The following RYR3 variants were observed in gnomAD, a reference collection of about 807,000 sequenced individuals.
The protein encoded by RYR3 is brain ryanodine receptor-calcium release channel.
Under a neutral mutation model 584.3 loss-of-function variants are expected in RYR3, and 207 were observed. The observed-to-expected ratio is 0.35, with a 90% CI of 0.32 to 0.40. The LOEUF is 0.40. RYR3 is among the 10% of genes least tolerant of loss of function. RYR3 has a pLI of 1.00. For synonymous variants in RYR3, 2,416 were observed against 2,248.5 expected (o/e 1.07, Z -2.11); for missense variants, 5,616 against 6,089.2 (o/e 0.92, Z 2.59).
chr15:33,769,250 AG>A (rs1433786560), intron 62 of RYR3, 78 bp downstream of exon 62: 6 of 1,072,180 alleles, frequency 5.6e-6, no homozygotes, highest in African/African-American at 1.5e-5. Context: ...TATACTGAAG[AG>A]AAGACAGATC....
At chr15:33,338,406 AAG>A (rs1220953656) in intron 1 of RYR3, among the ~76,000 whole-genome samples, 4 of 152,174 alleles carry the variant, frequency 2.6e-5, no homozygotes, top group African/African-American at 9.7e-5. Context: ...GATGACATAA[AAG>A]GGGCAGAGGA....
chr15:33,711,261 T>TG, intron 43 of RYR3, among the ~76,000 whole-genome samples: 1 of 67,762 alleles, frequency 1.5e-5, no homozygotes, highest in African/African-American at 4.4e-5. Context: ...TTTTTTTTTT[T>TG]GAGACTGAGT....
intron 38 of RYR3, among the ~76,000 whole-genome samples, chr15:33,673,939 C>T (rs1241572257): frequency 1.3e-5 from 2 of 152,204 alleles, no homozygotes; most frequent in African/African-American, 4.8e-5. Context: ...CATCCCTCTT[C>T]TGTCTTTAGC....
At chr15:33,845,484 C>T (rs1444190436) in intron 93 of RYR3, among the ~76,000 whole-genome samples, 4 of 152,180 alleles carry the variant, frequency 2.6e-5, no homozygotes, top group African/African-American at 9.7e-5. Context: ...GAACTCCTGA[C>T]CTCAGGTAAT....
chr15:33,772,967 C>G (rs578246564), intron 63 of RYR3, among the ~76,000 whole-genome samples: 1 of 152,306 alleles, frequency 6.6e-6, no homozygotes, highest in African/African-American at 2.4e-5. Context: ...GATTCACAAG[C>G]AAAACATGCC....
intron 38 of RYR3, among the ~76,000 whole-genome samples, chr15:33,683,545 G>A (rs2064780668): frequency 6.6e-6 from 1 of 152,178 alleles, no homozygotes. Flanking sequence ...AACAGCTCTG[G>A]TCTGCAGCTC....
At position 33,748,451 on chromosome 15, in the gene RYR3, T is replaced by C; in HGVS notation, c.8137-17T>C. 1.9e-6 allele frequency: 3 copies of C among 1,612,320 alleles called. No homozygotes were observed. Among genetic ancestry groups the C allele is most frequent in the South Asian group, 1.1e-5 (1 of 90,630 alleles). On this transcript the variant is annotated splice_polypyrimidine_tract_variant and intron_variant, in intron 54 of 103. Coordinates refer to ENST00000634891, the MANE Select transcript of RYR3 (RefSeq NM_001036.6). ...GAAAATAATGGCAACCCAGTGACTCTGCCTTTGCTTTCCTAGGGCAACAGC... is the reference window on the plus strand; with the variant it reads ...GAAAATAATGGCAACCCAGTGACTCCGCCTTTGCTTTCCTAGGGCAACAGC...
chr15:33,497,711 T>A (rs1000547091), intron 2 of RYR3, among the ~76,000 whole-genome samples: 8 of 152,216 alleles, frequency 5.3e-5, no homozygotes, highest in African/African-American at 1.9e-4. Context: ...CTTTATCATT[T>A]CTTTGTGTTA....
At chr15:33,388,299 C>T (rs2041765795) in intron 1 of RYR3, among the ~76,000 whole-genome samples, 1 of 152,110 alleles carries the variant, frequency 6.6e-6, no homozygotes, top group South Asian at 2.1e-4. Context: ...GAACACAGAT[C>T]TTTCAGATAT....
intron 1 of RYR3, among the ~76,000 whole-genome samples, chr15:33,389,437 G>A (rs890736332): frequency 2.0e-5 from 3 of 152,120 alleles, no homozygotes; most frequent in Non-Finnish European, 4.4e-5. Context: ...TTGCTACTAG[G>A]GAATAACAGC....
chr15:33,353,907 T>G (rs1022136272), intron 1 of RYR3, among the ~76,000 whole-genome samples: 1 of 152,176 alleles, frequency 6.6e-6, no homozygotes, highest in Non-Finnish European at 1.5e-5. Context: ...TTCCATAAAA[T>G]AAATCATGTT....
chr15:33,822,876 G>A, intron 80 of RYR3, 120 bp from the exon 81 acceptor site: 1 of 689,088 alleles, frequency 1.5e-6, no homozygotes, highest in South Asian at 2.4e-5. Context: ...ATGGGACTCT[G>A]ATTCCATAAG....
At chr15:33,620,491 T>C (rs2152584248) in intron 19 of RYR3, among the ~76,000 whole-genome samples, 1 of 152,320 alleles carries the variant, frequency 6.6e-6, no homozygotes. Context: ...TGTGAAAATA[T>C]TTAGCATCCT....
chr15:33,437,117 A>AGTGTGTGTGTGT (rs71415518), intron 1 of RYR3, among the ~76,000 whole-genome samples: 2 of 149,458 alleles, frequency 1.3e-5, no homozygotes, highest in East Asian at 4.0e-4. Flanking sequence ...AGAGAGATAG[A>AGTGTGTGTGTGT]GTGTGTGTGT....
At chr15:33,624,729 G>C (rs991806828) in intron 20 of RYR3, among the ~76,000 whole-genome samples, 1 of 152,146 alleles carries the variant, frequency 6.6e-6, no homozygotes, top group African/African-American at 2.4e-5. Context: ...CATTCACGTG[G>C]TATTACAAGG....
intron 1 of RYR3, among the ~76,000 whole-genome samples, chr15:33,409,620 C>T (rs2043265843): frequency 6.6e-6 from 1 of 152,200 alleles, no homozygotes; most frequent in African/African-American, 2.4e-5. Flanking sequence ...ACCATTGTTC[C>T]ATATCCAGTA....
At chr15:33,853,434 A>G (rs2079314160) in intron 95 of RYR3, 121 bp from the exon 96 acceptor site, 5 of 1,258,034 alleles carry the variant, frequency 4.0e-6, no homozygotes, top group African/African-American at 1.5e-5. Context: ...ATTTTGAACT[A>G]TGTCTTCATC....
At chr15:33,625,893 A>G (rs1467745167) in intron 20 of RYR3, among the ~76,000 whole-genome samples, 1 of 152,206 alleles carries the variant, frequency 6.6e-6, no homozygotes, top group Non-Finnish European at 1.5e-5. Context: ...AGATAAGAGG[A>G]GTCCAGAAAA....
At chr15:33,794,207 T>C (rs2075405332) in intron 67 of RYR3, among the ~76,000 whole-genome samples, 1 of 90,104 alleles carries the variant, frequency 1.1e-5, no homozygotes, top group Non-Finnish European at 2.3e-5. Flanking sequence ...TATACACAAA[T>C]ATACATTATA....
Sources: allele counts gnomAD v4.1 joint callset (sites outside exome capture counted in the v4.1 genomes callset), GRCh38; gene constraint gnomAD v4.1.1; transcripts MANE v1.5; gene names NCBI Gene and HGNC (gene_info 2026-07-23, HGNC 2026-07-21).